Variants in EP400 observed in about 807,000 individuals in gnomAD.
The protein encoded by EP400 is E1A binding protein p400, also known as E1A-binding protein p400.
EP400 carries 105 observed loss-of-function variants against 354.1 expected under a neutral mutation model. The ratio of observed to expected loss-of-function variants is 0.30; its 90% CI spans 0.25 to 0.35. The LOEUF is 0.35. Ranked by LOEUF, EP400 falls within the 10% of genes least tolerant of loss-of-function variation. The pLI is 1.00. For missense variants in EP400, 3,280 were observed against 4,121.0 expected (o/e 0.80, Z 5.59); for synonymous variants, 1,646 against 1,716.9 (o/e 0.96, Z 1.02).
chr12:132,038,201 C>T lies in EP400; in HGVS notation c.6207+105C>T. 1 of 1,429,512 alleles carries T rather than the reference C, an allele frequency of 7.0e-7. No individual in the cohort carries two copies. The allele number at this position is 1,429,512 out of a possible 1,614,324, so 88.6% of individuals were successfully genotyped here. A position where few individuals can be genotyped will look rare whatever the true frequency, so the allele number is the denominator to read the frequency against. ...GTGCTCAGTCCCCACTCTTCCCTGG[C>T]CTGAAGCCCTCTTCCCGTCCCTGCT... is the stretch of plus-strand genomic sequence containing the variant. On this transcript the variant is annotated intron_variant, in intron 32 of 52. Transcript: ENST00000389561. This position sits in a 1 kb window ranked among gnomAD's most constrained non-coding sequence, Gnocchi z 4.2.
At chr12:132,044,740 G>A in intron 36 of EP400, 25 bp downstream of exon 36, 1 of 1,614,134 alleles carries the variant, frequency 6.2e-7, no homozygotes, top group Non-Finnish European at 8.5e-7. Context: ...CTCCCTTTGT[G>A]TCTGTGTGGG....
chr12:132,041,008 G>A (rs1246949599), intron 32 of EP400, among the ~76,000 whole-genome samples: 5 of 152,210 alleles, frequency 3.3e-5, no homozygotes, highest in Non-Finnish European at 7.3e-5. Flanking sequence ...GGGGCAGCAG[G>A]CGGGTCTTTG....
At chr12:132,063,969 C>T (rs886592109) in intron 47 of EP400, among the ~76,000 whole-genome samples, 3 of 151,170 alleles carry the variant, frequency 2.0e-5, no homozygotes, top group Admixed American at 1.3e-4. Context: ...CTTTGACCCC[C>T]CCGGCCCACA....
chr12:131,962,903 C>T (rs1038766970), intron 2 of EP400, among the ~76,000 whole-genome samples: 1 of 152,216 alleles, frequency 6.6e-6, no homozygotes, highest in Non-Finnish European at 1.5e-5. Flanking sequence ...AAAAGCTAGT[C>T]TCTTTGCTCA....
intron 2 of EP400, among the ~76,000 whole-genome samples, chr12:131,972,021 C>T (rs1892301420): frequency 6.6e-6 from 1 of 152,068 alleles, no homozygotes; most frequent in South Asian, 2.1e-4. Context: ...ACCAAGGAGC[C>T]TCCATTTTGA....
chr12:132,035,660 C>T (rs1416166716), intron 30 of EP400, among the ~76,000 whole-genome samples: 5 of 133,554 alleles, frequency 3.7e-5, no homozygotes, highest in African/African-American at 5.8e-5. Flanking sequence ...CATCGTGGAA[C>T]GACACACCCA....
In EP400 at chr12:131,961,900, AGAGGAG is replaced by A. The variant is rs752787745; in HGVS notation, c.1293_1298del (p.Glu436_Glu437del). 4.4e-5 allele frequency: 71 copies of A among 1,613,250 alleles called. No homozygotes were observed. Among genetic ancestry groups the A allele is most frequent in the African/African-American group, 1.2e-4 (9 of 75,030 alleles). ...GGCAGAATGATTTGGACATTGAAGA[AGAGGAG>A]GAGGAGGAGGAAGAGGAGGAAGAAA... On this transcript the variant is annotated inframe_deletion, in exon 2 of 53. Coordinates refer to ENST00000389561, the MANE Select transcript of EP400 (RefSeq NM_015409.5).
rs1408547006 is a variant in EP400 at position 132,017,929 on chromosome 12, A to G, written c.4110+208A>G. Among the ~76,000 whole-genome samples the G allele has an allele frequency of 6.6e-6, 1 of 152,224 alleles. No individual in the cohort carries two copies. Among genetic ancestry groups the G allele is most frequent in the East Asian group, 1.9e-4 (1 of 5,192 alleles). On this transcript the variant is annotated intron_variant, in intron 20 of 52. Transcript: ENST00000389561. The surrounding 1 kb of genome is among the most constrained non-coding windows in gnomAD (Gnocchi z 5.0). Reference sequence around the variant, plus strand: ...CTCCGGAAATTTACCCGAGGGAGACAGGCTCACAGAGTGGAAAGATGCAGA... The same window carrying G: ...CTCCGGAAATTTACCCGAGGGAGACGGGCTCACAGAGTGGAAAGATGCAGA...
chr12:131,983,805 G>T (rs1892761553), intron 5 of EP400, among the ~76,000 whole-genome samples: 1 of 152,024 alleles, frequency 6.6e-6, no homozygotes, highest in Non-Finnish European at 1.5e-5. Context: ...CCTGCCCCCT[G>T]AGTAGCTGGG....
chr12:132,006,640 GAAA>G, intron 14 of EP400, 57 bp from the exon 15 acceptor site: 1 of 1,502,844 alleles, frequency 6.7e-7, no homozygotes, highest in Non-Finnish European at 8.9e-7. Context: ...TCAGTTTTGA[GAAA>G]AAGTTTGGGT....
intron 2 of EP400, among the ~76,000 whole-genome samples, chr12:131,970,050 C>T (rs1017216580): frequency 6.6e-6 from 1 of 152,052 alleles, no homozygotes; most frequent in South Asian, 2.1e-4. Context: ...CTGTCTCCAC[C>T]GCCTCCGCCC....
At chr12:131,959,037 A>G (rs74755314) in intron 1 of EP400, among the ~76,000 whole-genome samples, 2,202 of 152,266 alleles carry the variant, frequency 0.014, 52 homozygotes, top group African/African-American at 0.051. Flanking sequence ...AGAAGTCTGA[A>G]TGGTGGCACC....
intron 2 of EP400, among the ~76,000 whole-genome samples, chr12:131,971,767 G>A (rs1593316652): frequency 6.6e-6 from 1 of 151,880 alleles, no homozygotes; most frequent in African/African-American, 2.4e-5. Context: ...TGATGAGTAT[G>A]TAGGGATCGC....
At chr12:132,031,001 C>T (rs1483880540) in intron 29 of EP400, among the ~76,000 whole-genome samples, 1 of 152,194 alleles carries the variant, frequency 6.6e-6, no homozygotes, top group Non-Finnish European at 1.5e-5. Context: ...CATGTACACG[C>T]TGGAGAGGCC....
Position 132,053,393 on chromosome 12 carries a change from C to T in EP400, c.7524C>T (p.Pro2508=), listed in dbSNP as rs769376387. 5 of 1,532,184 alleles carry T rather than the reference C, an allele frequency of 3.3e-6. No individual in the cohort carries two copies. In the East Asian group the frequency reaches 1.2e-4, roughly 36 times the overall value. 94.9% of individuals were successfully genotyped at this position (1,532,184 alleles called of 1,614,324 possible). ...KAQQPAVAQP[P]PPQPQPPPPP... is the part of the protein sequence containing the mutation. Reference sequence around the variant, plus strand: ...AGCAGCCGGCCGTGGCCCAGCCACCCCCGCCCCAGCCGCAGCCCCCACCAC... The same window carrying T: ...AGCAGCCGGCCGTGGCCCAGCCACCTCCGCCCCAGCCGCAGCCCCCACCAC... The change falls in exon 43 of 53, where the codon CCC becomes CCT. Residue 2508 remains proline, a synonymous_variant. Coordinates refer to ENST00000389561, the MANE Select transcript of EP400 (RefSeq NM_015409.5).
intron 41 of EP400, among the ~76,000 whole-genome samples, chr12:132,051,175 A>G (rs1413906895): frequency 1.3e-5 from 2 of 152,236 alleles, no homozygotes; most frequent in African/African-American, 4.8e-5. Flanking sequence ...GGGTGTCTGT[A>G]GCGTTTCTGA....
chr12:131,983,679 G>A (rs1454578352), intron 5 of EP400, among the ~76,000 whole-genome samples: 2 of 152,116 alleles, frequency 1.3e-5, no homozygotes, highest in African/African-American at 4.8e-5. Context: ...TAAGTTCAGG[G>A]TTTTTGTTTG....
chr12:132,002,205 G>A (rs970148319), intron 12 of EP400, among the ~76,000 whole-genome samples: 2 of 152,146 alleles, frequency 1.3e-5, no homozygotes, highest in Non-Finnish European at 2.9e-5. Context: ...AAATTGGAGT[G>A]TTTAGTACAT....
Position 132,021,230 on chromosome 12 carries a change from G to A in EP400, c.4599G>A (p.Pro1533=), listed in dbSNP as rs759267680. 15 of 1,562,716 alleles carry A rather than the reference G, an allele frequency of 9.6e-6. No homozygotes were observed. Among genetic ancestry groups the A allele is most frequent in the East Asian group, 2.3e-5 (1 of 43,326 alleles). The change falls in exon 23 of 53, where the codon CCG becomes CCA. Residue 1533 remains proline, a synonymous_variant. Transcript: ENST00000389561. ...TAQASTPGQP[P]PQPQAPSHAA... ...AGGCCTCCACCCCAGGCCAGCCCCC[G>A]CCCCAGCCCCAGGCCCCCTCGCACG...
Sources: allele counts gnomAD v4.1 joint callset (sites outside exome capture counted in the v4.1 genomes callset), GRCh38; gene constraint gnomAD v4.1.1; non-coding constraint Gnocchi (gnomAD v3.1); transcripts MANE v1.5; gene names NCBI Gene and HGNC (gene_info 2026-07-23, HGNC 2026-07-21).